Variants in RUNDC3B observed in about 807,000 individuals in gnomAD.
RUNDC3B encodes RUN domain containing 3B, also known as RUN domain-containing protein 3B.
In RUNDC3B, 33 loss-of-function variants were observed where a neutral mutation model predicts 58.4. The observed-to-expected ratio is 0.56, with a 90% CI of 0.43 to 0.75. The LOEUF is 0.75. Among genes scored for constraint, RUNDC3B ranks in the 30% least tolerant of loss-of-function variants. The pLI, the probability that RUNDC3B is intolerant of heterozygous loss-of-function variation, is 0.00. For missense variants in RUNDC3B, 501 were observed against 535.7 expected (o/e 0.94, Z 0.64); for synonymous variants, 193 against 195.2 (o/e 0.99, Z 0.10).
At chr7:87,712,689 A>G (rs924803107) in intron 4 of RUNDC3B, among the ~76,000 whole-genome samples, 2 of 152,080 alleles carry the variant, frequency 1.3e-5, no homozygotes, top group African/African-American at 4.8e-5. Context: ...TTAAGTGTTA[A>G]CCATGCTTTT....
chr7:87,766,499 T>G (rs994110389), intron 6 of RUNDC3B, among the ~76,000 whole-genome samples: 5 of 152,144 alleles, frequency 3.3e-5, no homozygotes, highest in African/African-American at 1.2e-4. Flanking sequence ...TCTTCATTGA[T>G]GAAGCTTAGT....
chr7:87,768,265 T>C (rs1291874850), intron 6 of RUNDC3B, among the ~76,000 whole-genome samples: 2 of 152,144 alleles, frequency 1.3e-5, no homozygotes, highest in African/African-American at 2.4e-5. Flanking sequence ...TCTGGTTCCT[T>C]TGTCCCAGTG....
intron 6 of RUNDC3B, among the ~76,000 whole-genome samples, chr7:87,767,585 C>G (rs1834038145): frequency 6.6e-6 from 1 of 151,850 alleles, no homozygotes; most frequent in Non-Finnish European, 1.5e-5. Context: ...TATCTCATAA[C>G]CTAGCACTAT....
chr7:87,830,328 A>T lies in RUNDC3B; in HGVS notation c.*298A>T, dbSNP rs1838065496. 5.4e-6 allele frequency: 1 copy of T among 185,866 alleles called. No individual in the cohort carries two copies. The highest frequency in any genetic ancestry group is 1.1e-5 in the Non-Finnish European group (1 of 90,968). 11.5% of individuals were successfully genotyped at this position (185,866 alleles called of 1,614,324 possible). A position where few individuals can be genotyped will look rare whatever the true frequency, so the allele number is the denominator to read the frequency against. On this transcript the variant is annotated 3_prime_UTR_variant, in exon 11 of 11. Coordinates refer to ENST00000394654, the MANE Select transcript of RUNDC3B (RefSeq NM_001134405.2). ...TCATAGCAAATTGTACATATTGTTC[A>T]GCTGATTTTTATATATTTAAATACA...
At chr7:87,674,968 T>C (rs1245913165) in intron 2 of RUNDC3B, among the ~76,000 whole-genome samples, 1 of 152,182 alleles carries the variant, frequency 6.6e-6, no homozygotes. Context: ...CAAGCCCTCT[T>C]GGTTTTGCAC....
intron 1 of RUNDC3B, among the ~76,000 whole-genome samples, chr7:87,640,423 T>A (rs935006022): frequency 1.3e-5 from 2 of 152,162 alleles, no homozygotes; most frequent in Admixed American, 6.5e-5. Flanking sequence ...CGATCATAGC[T>A]CACTGCAACC....
chr7:87,705,715 T>C (rs1829523197), intron 3 of RUNDC3B, among the ~76,000 whole-genome samples: 1 of 152,206 alleles, frequency 6.6e-6, no homozygotes, highest in African/African-American at 2.4e-5. Flanking sequence ...CAGCAGGCAC[T>C]GACTTATCTC....
intron 2 of RUNDC3B, 132 bp downstream of exon 2, chr7:87,651,069 C>T: frequency 5.0e-6 from 3 of 599,200 alleles, no homozygotes; most frequent in Non-Finnish European, 8.8e-6. Flanking sequence ...ATCTTTTGGC[C>T]TGTGTGACTA....
At chr7:87,783,959 G>GATT (rs1835077499) in intron 8 of RUNDC3B, among the ~76,000 whole-genome samples, 1 of 152,074 alleles carries the variant, frequency 6.6e-6, no homozygotes, top group Non-Finnish European at 1.5e-5. Flanking sequence ...GACCTGGCAA[G>GATT]TCTGAAGATT....
At chr7:87,786,516 G>A (rs1835226670) in intron 8 of RUNDC3B, among the ~76,000 whole-genome samples, 1 of 151,258 alleles carries the variant, frequency 6.6e-6, no homozygotes, top group African/African-American at 2.4e-5. Flanking sequence ...TCCATTAGCA[G>A]GGAGAAAAAT....
Position 87,700,573 on chromosome 7 carries a change from A to G in RUNDC3B, c.372+19A>G. 1 of 1,586,374 alleles carries G rather than the reference A, an allele frequency of 6.3e-7. No homozygotes were observed. The highest frequency in any genetic ancestry group is 1.8e-5 in the Admixed American group (1 of 54,190). ...AGCTAAGGTAAGACATTGGTCAGAG[A>G]CTCGTTTCTATTTTTTTTTTCATTG... On this transcript the variant is annotated intron_variant, in intron 3 of 10. Coordinates refer to ENST00000394654, the MANE Select transcript of RUNDC3B (RefSeq NM_001134405.2).
At position 87,831,306 on chromosome 7, in the gene RUNDC3B, T is replaced by C. The variant is rs540341941; in HGVS notation, c.*1276T>C. ...TTCATATGGTTTTTTTGTTTATTAT[T>C]ATTGAGAAAAGAGCTGAGGTTACCA... On this transcript the variant is annotated 3_prime_UTR_variant, in exon 11 of 11. Transcript: ENST00000394654. 151 of 152,036 alleles carry C rather than the reference T, an allele frequency of 9.9e-4. No individual in the cohort carries two copies. The highest frequency in any genetic ancestry group is 3.5e-3 in the African/African-American group (147 of 41,524). 9.4% of individuals were successfully genotyped at this position (152,036 alleles called of 1,614,324 possible).
intron 2 of RUNDC3B, among the ~76,000 whole-genome samples, chr7:87,685,124 T>A (rs976351290): frequency 6.6e-6 from 1 of 152,178 alleles, no homozygotes; most frequent in Non-Finnish European, 1.5e-5. Flanking sequence ...TTTTACTCCC[T>A]GAAAGACACT....
At chr7:87,652,621 G>GAGATATATATATATAT (rs374832268) in intron 2 of RUNDC3B, among the ~76,000 whole-genome samples, 14 of 125,408 alleles carry the variant, frequency 1.1e-4, no homozygotes, top group African/African-American at 4.5e-4. Context: ...TGTGGTCACT[G>GAGATATATATATATAT]ATATATATAT....
Position 87,748,112 on chromosome 7 carries a change from C to T in RUNDC3B, c.629+6533C>T, listed in dbSNP as rs572725334. On this transcript the variant is annotated intron_variant, in intron 6 of 10. Transcript: ENST00000394654. Reference sequence around the variant, plus strand: ...TCCCTTTGGATCCCTGTGGTACAGGCAGGAATGGCCTTCTTGGGCACCCAG... The same window carrying T: ...TCCCTTTGGATCCCTGTGGTACAGGTAGGAATGGCCTTCTTGGGCACCCAG... Among the ~76,000 whole-genome samples, 7 of 152,326 alleles carry T rather than the reference C, an allele frequency of 4.6e-5. No individual in the cohort carries two copies. In the South Asian group the frequency reaches 1.0e-3, roughly 23 times the overall value.
intron 4 of RUNDC3B, among the ~76,000 whole-genome samples, chr7:87,723,832 TA>T (rs376925744): frequency 0.01 from 1,585 of 151,176 alleles, 27 homozygotes; most frequent in African/African-American, 0.036. Flanking sequence ...AGCCAATATT[TA>T]AAAAAAAAGT....
intron 8 of RUNDC3B, among the ~76,000 whole-genome samples, chr7:87,794,122 G>T (rs1208417249): frequency 1.3e-5 from 2 of 152,070 alleles, no homozygotes; most frequent in Non-Finnish European, 1.5e-5. Flanking sequence ...ACTCAAGGAA[G>T]TGAAAGTTCT....
chr7:87,697,976 C>A (rs1420669883), intron 2 of RUNDC3B, among the ~76,000 whole-genome samples: 1 of 151,956 alleles, frequency 6.6e-6, no homozygotes, highest in Non-Finnish European at 1.5e-5. Flanking sequence ...TATATTGAGG[C>A]ATTATATCAG....
intron 8 of RUNDC3B, among the ~76,000 whole-genome samples, chr7:87,785,543 G>A (rs1254212736): frequency 1.3e-5 from 2 of 152,186 alleles, no homozygotes; most frequent in African/African-American, 4.8e-5. Context: ...CCAGGTCACT[G>A]GCAAAACACT....
Sources: gnomAD v4.1 joint callset for allele counts (sites outside exome capture counted in the v4.1 genomes callset) on GRCh38, gnomAD v4.1.1 for gene constraint, MANE v1.5 for transcripts, NCBI Gene and HGNC (gene_info 2026-07-23, HGNC 2026-07-21) for gene names.